The following TNRC6A variants were observed in gnomAD, a reference collection of about 807,000 sequenced individuals.
TNRC6A encodes the protein trinucleotide repeat-containing gene 6A protein.
Under a neutral mutation model 221.2 loss-of-function variants are expected in TNRC6A, and 44 were observed. That is an observed-to-expected ratio of 0.20 (90% CI 0.16 to 0.26). The LOEUF (loss-of-function observed/expected upper bound fraction) is 0.26, where lower values mean the gene tolerates loss of function less well. TNRC6A is among the 10% of genes least tolerant of loss of function. TNRC6A has a pLI of 1.00. For synonymous variants in TNRC6A, 847 were observed against 838.5 expected, an observed-to-expected ratio of 1.01 and a Z score of -0.18; for missense variants, 2,199 against 2,404.4, an observed-to-expected ratio of 0.91 and a Z score of 1.79.
At chr16:24,634,339 T>C (rs1596564419) in intron 1 of TNRC6A, among the ~76,000 whole-genome samples, 1 of 151,818 alleles carries the variant, frequency 6.6e-6, no homozygotes, top group Non-Finnish European at 1.5e-5. Flanking sequence ...CTGAGGCAGG[T>C]GGATCCTTTA....
Position 24,805,115 on chromosome 16 carries a change from C to T in TNRC6A, c.4086C>T (p.Leu1362=). The change falls in exon 14 of 25, where the codon CTC becomes CTT. Residue 1362 remains leucine (L), a synonymous_variant. Coordinates refer to ENST00000395799, the MANE Select transcript of TNRC6A (RefSeq NM_014494.4). ...AQPLSSSQPN[L]RAQVPPPLLS... is the part of the protein sequence containing the mutation. ...CTCTTAGTTCATCTCAGCCTAATCTCCGTGCTCAAGTGCCTCCTCCATTAC... is the reference window on the plus strand; with the variant it reads ...CTCTTAGTTCATCTCAGCCTAATCTTCGTGCTCAAGTGCCTCCTCCATTAC... 4 of 1,614,180 alleles carry T rather than the reference C, an allele frequency of 2.5e-6. No individual in the cohort carries two copies. The highest frequency in any genetic ancestry group is 3.4e-6 in the Non-Finnish European group (4 of 1,180,044).
chr16:24,708,687 T>C (rs972409148), intron 2 of TNRC6A, among the ~76,000 whole-genome samples: 17 of 152,130 alleles, frequency 1.1e-4, no homozygotes, highest in African/African-American at 4.1e-4. Flanking sequence ...GTCCATTATA[T>C]GGCTCTGTAT....
chr16:24,791,760 C>A lies in TNRC6A; in HGVS notation c.3118C>A (p.His1040Asn). The change falls in exon 6 of 25, where the codon CAT becomes AAT. Residue 1040 changes from histidine (H) to asparagine (N), a missense_variant. By Grantham distance (68) the His-to-Asn change is moderately conservative. This residue lies in a region of TNRC6A where 1,405 missense variants were observed against 1,400.2 expected (regional missense o/e 1.00). Coordinates refer to ENST00000395799, the MANE Select transcript of TNRC6A (RefSeq NM_014494.4). ...NSRSDQQAQV[H>N]QLLTPASAIS... Reference sequence around the variant, plus strand: ...CCGTTCAGACCAGCAAGCACAGGTACATCAGCTGCTAACGCCTGCAAGTGC... The same window carrying A: ...CCGTTCAGACCAGCAAGCACAGGTAAATCAGCTGCTAACGCCTGCAAGTGC... 1 of 1,599,510 alleles carries A rather than the reference C, an allele frequency of 6.3e-7. No individual in the cohort carries two copies. Among genetic ancestry groups the A allele is most frequent in the Non-Finnish European group, 8.5e-7 (1 of 1,175,086 alleles).
At chr16:24,672,208 G>A (rs144717342) in intron 2 of TNRC6A, among the ~76,000 whole-genome samples, 7,616 of 146,822 alleles carry the variant, frequency 0.052, 614 homozygotes, top group East Asian at 0.33. Flanking sequence ...TGCAAGCTCC[G>A]CCTCCCGGGT....
chr16:24,773,731 TG>T (rs777524003), intron 4 of TNRC6A, among the ~76,000 whole-genome samples: 4 of 152,180 alleles, frequency 2.6e-5, no homozygotes, highest in African/African-American at 4.8e-5. Flanking sequence ...TCTTTTTAGT[TG>T]TTTTTTTTAT....
Position 24,804,793 on chromosome 16 carries a change from A to T in TNRC6A, c.3926A>T (p.Asn1309Ile), listed in dbSNP as rs2058396859. ...KLPPSNSALP[N>I]QALGSIAGLG... ...CCCCCTTCAAATAGTGCACTACCTA[A>T]CCAGGCCCTTGGCTCCATAGCAGGG... The change falls in exon 13 of 25, where the codon AAC becomes ATC. Residue 1309 changes from asparagine (N) to isoleucine (I), a missense_variant. Physicochemically the swap from Asn to Ile is moderately radical, Grantham distance 149. This residue lies in a region of TNRC6A where 158 missense variants were observed against 159.1 expected (regional missense o/e 0.99). Transcript: ENST00000395799. 6.2e-7 allele frequency: 1 copy of T among 1,611,720 alleles called. No homozygotes were observed. The highest frequency in any genetic ancestry group is 8.5e-7 in the Non-Finnish European group (1 of 1,179,504).
At chr16:24,625,867 G>A (rs930274112) in intron 1 of TNRC6A, among the ~76,000 whole-genome samples, 1 of 151,926 alleles carries the variant, frequency 6.6e-6, no homozygotes, top group African/African-American at 2.4e-5. Flanking sequence ...AGCCGAGATC[G>A]CACCATTACA....
At chr16:24,764,098 T>C (rs1443825887) in intron 4 of TNRC6A, among the ~76,000 whole-genome samples, 1 of 152,010 alleles carries the variant, frequency 6.6e-6, no homozygotes, top group Non-Finnish European at 1.5e-5. Context: ...TTGACCTATA[T>C]CTACCCTCCC....
chr16:24,732,539 A>G (rs1367782166), intron 2 of TNRC6A, among the ~76,000 whole-genome samples: 1 of 152,200 alleles, frequency 6.6e-6, no homozygotes, highest in Non-Finnish European at 1.5e-5. Flanking sequence ...TTTGATGTAT[A>G]AAGAGGTTAA....
chr16:24,815,581 C>T (rs1022330986), intron 19 of TNRC6A: 8 of 397,630 alleles, frequency 2.0e-5, no homozygotes, highest in East Asian at 5.4e-5. Flanking sequence ...TTAGGCTGGG[C>T]GCAGTGGCAC....
At chr16:24,673,181 AT>A (rs1175848480) in intron 2 of TNRC6A, among the ~76,000 whole-genome samples, 4 of 152,118 alleles carry the variant, frequency 2.6e-5, no homozygotes, top group African/African-American at 9.7e-5. Flanking sequence ...CTCTACAAAA[AT>A]TTTTTAAAAA....
Position 24,781,155 on chromosome 16 carries a change from G to A in TNRC6A, c.589+3797G>A, listed in dbSNP as rs185667933. ...CTACAGCCTCAACCTCCCAGCTCAA[G>A]TAATCCTCCCACCTCAGTGAGTCTC... On this transcript the variant is annotated intron_variant, in intron 5 of 24. Transcript: ENST00000395799. Among the ~76,000 whole-genome samples, 48 of 135,904 alleles carry A rather than the reference G, an allele frequency of 3.5e-4. No homozygotes were observed. The Middle Eastern group carries it at 0.014, about 38-fold the overall frequency. The allele number at this position is 135,904 out of a possible 152,430, so 89.2% of individuals were successfully genotyped here.
At chr16:24,747,626 C>T (rs1228209410) in intron 2 of TNRC6A, among the ~76,000 whole-genome samples, 4 of 151,972 alleles carry the variant, frequency 2.6e-5, no homozygotes, top group African/African-American at 9.7e-5. Flanking sequence ...TGTTTGGGCA[C>T]AGGTGTTGTT....
chr16:24,778,224 C>T (rs984238381), intron 5 of TNRC6A: 1 of 934,422 alleles, frequency 1.1e-6, no homozygotes, highest in African/African-American at 1.8e-5. Flanking sequence ...CTTAATTGCT[C>T]TATGTGCCTG....
intron 11 of TNRC6A, 37 bp downstream of exon 11, chr16:24,798,003 A>C: frequency 6.4e-7 from 1 of 1,558,996 alleles, no homozygotes; most frequent in Non-Finnish European, 8.8e-7. Flanking sequence ...TTCCTCATTG[A>C]GGGACACGCA....
chr16:24,823,141 C>G lies in TNRC6A; in HGVS notation c.5513+128C>G. ...TGCTGGCTGCAGTAGTGCCCTGATT[C>G]CAAGGTCGGCATTCCTAAGCGGGGA... On this transcript the variant is annotated intron_variant, in intron 24 of 24. Transcript: ENST00000395799. This position sits in a 1 kb window ranked among gnomAD's most constrained non-coding sequence, Gnocchi z 4.3. 1 of 1,309,492 alleles carries G rather than the reference C, an allele frequency of 7.6e-7. No individual in the cohort carries two copies. The highest frequency in any genetic ancestry group is 1.1e-6 in the Non-Finnish European group (1 of 935,478). 81.1% of individuals were successfully genotyped at this position (1,309,492 alleles called of 1,614,324 possible).
intron 18 of TNRC6A, among the ~76,000 whole-genome samples, 193 bp from the exon 19 acceptor site, chr16:24,814,949 AAAATG>A (rs2058625095): frequency 6.6e-6 from 1 of 152,232 alleles, no homozygotes; most frequent in South Asian, 2.1e-4. Context: ...TCATAAACTT[AAAATG>A]AAATTCACAG....
At chr16:24,747,213 C>A (rs2057032416) in intron 2 of TNRC6A, among the ~76,000 whole-genome samples, 1 of 152,142 alleles carries the variant, frequency 6.6e-6, no homozygotes, top group South Asian at 2.1e-4. Flanking sequence ...AATGATTTGA[C>A]AAATGTATAC....
chr16:24,806,835 C>A, intron 17 of TNRC6A, 51 bp downstream of exon 17: 3 of 1,553,090 alleles, frequency 1.9e-6, no homozygotes, highest in Non-Finnish European at 2.7e-6. Flanking sequence ...GTATCACAGG[C>A]GTGCCTCCTT....
Sources: allele counts gnomAD v4.1 joint callset (sites outside exome capture counted in the v4.1 genomes callset), GRCh38; gene constraint gnomAD v4.1.1; regional missense constraint gnomAD v4.1.1; non-coding constraint Gnocchi (gnomAD v3.1); transcripts MANE v1.5; gene names NCBI Gene and HGNC (gene_info 2026-07-23, HGNC 2026-07-21).